The following RAB3IP variants were observed in gnomAD, a reference collection of about 807,000 sequenced individuals.
RAB3IP encodes the protein rab-3A-interacting protein.
A neutral mutation model predicts 59.1 loss-of-function variants in RAB3IP; 36 were observed. The ratio of observed to expected loss-of-function variants is 0.61; its 90% confidence interval spans 0.47 to 0.80. The LOEUF (loss-of-function observed/expected upper bound fraction) is 0.80. Among genes scored for constraint, RAB3IP ranks in the 30% least tolerant of loss-of-function variants. The pLI is 0.00. For synonymous variants in RAB3IP, 207 were observed against 191.2 expected (o/e 1.08, Z -0.68); for missense variants, 511 against 536.0 (o/e 0.95, Z 0.46).
Position 69,793,880 on chromosome 12 carries a change from G to T in RAB3IP, c.607-557G>T, listed in dbSNP as rs181251336. Reference sequence around the variant, plus strand: ...AAATACCTAGAGTTTCATATTTGTGGTACTAGAAGATTAAAACTCTATTAA... The same window carrying T: ...AAATACCTAGAGTTTCATATTTGTGTTACTAGAAGATTAAAACTCTATTAA... On this transcript the variant is annotated intron_variant, in intron 4 of 10. Coordinates refer to ENST00000247833, the MANE Select transcript of RAB3IP (RefSeq NM_022456.5). 8.7e-4 allele frequency among the ~76,000 whole-genome samples: 133 copies of T among 152,264 alleles called. 1 individual carries two copies. The highest frequency in any genetic ancestry group is 3.0e-3 in the African/African-American group (126 of 41,556).
Position 69,770,804 on chromosome 12 carries a change from A to G in RAB3IP, c.511-13916A>G, listed in dbSNP as rs532516922. Among the ~76,000 whole-genome samples the G allele has an allele frequency of 3.9e-5, 6 of 152,364 alleles. No individual in the cohort carries two copies. In the East Asian group the frequency reaches 9.6e-4, roughly 24 times the overall value. On this transcript the variant is annotated intron_variant, in intron 3 of 10. Coordinates refer to ENST00000247833, the MANE Select transcript of RAB3IP (RefSeq NM_022456.5). Reference sequence around the variant, plus strand: ...ATACATATATACACACACACATTGTATAATGATCAAATCAGACTAATTAGC... The same window carrying G: ...ATACATATATACACACACACATTGTGTAATGATCAAATCAGACTAATTAGC...
intron 3 of RAB3IP, among the ~76,000 whole-genome samples, chr12:69,769,799 C>G (rs371889672): frequency 5.9e-5 from 9 of 152,212 alleles, no homozygotes; most frequent in East Asian, 5.8e-4. Flanking sequence ...TTCATTGATT[C>G]TGAGTTGTAC....
At position 69,820,909 on chromosome 12, in the gene RAB3IP, GGTA is replaced by G. The variant is rs1881668934; in HGVS notation, c.*5466_*5468del. ...CAATAGAAAATCAAGTTTTCATAGT[GGTA>G]GTTGTTAACAGAGAAATAACAATGA... On this transcript the variant is annotated 3_prime_UTR_variant, in exon 11 of 11. Coordinates refer to ENST00000247833, the MANE Select transcript of RAB3IP (RefSeq NM_022456.5). The G allele has an allele frequency of 6.7e-6, 1 of 148,450 alleles. No individual in the cohort carries two copies. The highest frequency in any genetic ancestry group is 1.5e-5 in the Non-Finnish European group (1 of 67,394). The allele number at this position is 148,450 out of a possible 1,614,324, so 9.2% of individuals were successfully genotyped here. A position where few individuals can be genotyped will look rare whatever the true frequency, so the allele number is the denominator to read the frequency against.
chr12:69,745,025 A>G (rs1271283519), intron 1 of RAB3IP, among the ~76,000 whole-genome samples: 2 of 152,210 alleles, frequency 1.3e-5, no homozygotes, highest in African/African-American at 4.8e-5. Flanking sequence ...TTTTGAGAGC[A>G]CTATAAATTA....
intron 2 of RAB3IP, 59 bp from the exon 3 acceptor site, chr12:69,756,346 A>T (rs1206598547): frequency 1.3e-6 from 2 of 1,569,734 alleles, no homozygotes. Context: ...TGTGTGTTTA[A>T]GCCAGTTCTA....
chr12:69,803,752 G>T (rs1463372787), intron 8 of RAB3IP, among the ~76,000 whole-genome samples: 7 of 151,888 alleles, frequency 4.6e-5, no homozygotes, highest in Non-Finnish European at 1.0e-4. Flanking sequence ...GCGGTGTTTG[G>T]TTTTTTTGTC....
At chr12:69,773,425 TTATAC>T (rs987202748) in intron 3 of RAB3IP, among the ~76,000 whole-genome samples, 23 of 122,154 alleles carry the variant, frequency 1.9e-4, no homozygotes, top group African/African-American at 7.7e-4. Flanking sequence ...TTTTTTTTTA[TTATAC>T]TCTAAGTTTT....
chr12:69,773,117 T>C (rs574525218), intron 3 of RAB3IP, among the ~76,000 whole-genome samples: 3 of 152,294 alleles, frequency 2.0e-5, no homozygotes, highest in African/African-American at 7.2e-5. Flanking sequence ...TATATTCTCC[T>C]ACTTCCTCCT....
At chr12:69,783,028 A>G (rs887271287) in intron 3 of RAB3IP, among the ~76,000 whole-genome samples, 1 of 152,138 alleles carries the variant, frequency 6.6e-6, no homozygotes, top group Non-Finnish European at 1.5e-5. Flanking sequence ...TGCTGTTGAA[A>G]TTCGGTACCA....
rs367600744 is a variant in RAB3IP at position 69,779,939 on chromosome 12, A to G, written c.511-4781A>G. Among the ~76,000 whole-genome samples the G allele has an allele frequency of 4.1e-4, 63 of 152,268 alleles. 1 individual carries two copies. The highest frequency in any genetic ancestry group is 1.5e-3 in the African/African-American group (61 of 41,550). On this transcript the variant is annotated intron_variant, in intron 3 of 10. Transcript: ENST00000247833. ...ATGTCTGCTTATTAACGAATTAGTT[A>G]TTTATTCAAGTCTTTGCAGTGTGAC...
At chr12:69,750,346 A>G (rs1014357952) in intron 1 of RAB3IP, among the ~76,000 whole-genome samples, 8 of 152,216 alleles carry the variant, frequency 5.3e-5, no homozygotes, top group African/African-American at 1.7e-4. Flanking sequence ...TCATCTATAA[A>G]TACTTCAGTG....
chr12:69,743,871 A>G (rs942555430), intron 1 of RAB3IP, among the ~76,000 whole-genome samples: 2 of 117,000 alleles, frequency 1.7e-5, no homozygotes, highest in Non-Finnish European at 3.3e-5. Context: ...ACTCTTGTTT[A>G]TTTATTTAGT....
In RAB3IP at chr12:69,755,676, T is replaced by A. The variant is rs2136127042; in HGVS notation, c.251+17T>A. On this transcript the variant is annotated intron_variant, in intron 2 of 10. Coordinates refer to ENST00000247833, the MANE Select transcript of RAB3IP (RefSeq NM_022456.5). ...TAGTATCAGGTAGGAAATAAGTAAA[T>A]CACTTATTTGATTTTTTTTAAAATG... is the stretch of plus-strand genomic sequence containing the variant. 2 of 1,582,634 alleles carry A rather than the reference T, an allele frequency of 1.3e-6. No homozygotes were observed. Among genetic ancestry groups the A allele is most frequent in the East Asian group, 2.2e-5 (1 of 44,472 alleles).
chr12:69,806,532 TCTG>T (rs1324110688), intron 8 of RAB3IP, among the ~76,000 whole-genome samples: 2 of 151,646 alleles, frequency 1.3e-5, no homozygotes, highest in Non-Finnish European at 2.9e-5. Flanking sequence ...TTTCTTGCCT[TCTG>T]CTAGCTTTTG....
intron 8 of RAB3IP, among the ~76,000 whole-genome samples, chr12:69,804,807 G>C (rs927008735): frequency 8.6e-5 from 13 of 152,002 alleles, no homozygotes; most frequent in Non-Finnish European, 1.6e-4. Context: ...GATAGTTGTA[G>C]ATATGCGGCA....
At chr12:69,784,878 AT>A (rs1361284735) in intron 4 of RAB3IP, 63 bp downstream of exon 4, 18 of 908,082 alleles carry the variant, frequency 2.0e-5, no homozygotes, top group Non-Finnish European at 3.2e-5. Flanking sequence ...ACAAAATTGT[AT>A]TTTGAGGGAA....
chr12:69,739,972 C>A, intron 1 of RAB3IP: 2 of 1,100,316 alleles, frequency 1.8e-6, no homozygotes, highest in Admixed American at 3.8e-5. Context: ...ACCTGTTATA[C>A]ACTCTCCTGT....
chr12:69,743,702 A>G (rs894062614), intron 1 of RAB3IP, among the ~76,000 whole-genome samples: 2 of 152,326 alleles, frequency 1.3e-5, no homozygotes, highest in Admixed American at 6.5e-5. Context: ...TTCTGAAGTT[A>G]GTCTGTTAAA....
At chr12:69,786,827 A>C (rs1426680557) in intron 4 of RAB3IP, among the ~76,000 whole-genome samples, 1 of 152,202 alleles carries the variant, frequency 6.6e-6, no homozygotes, top group Non-Finnish European at 1.5e-5. Context: ...AAGCATATCT[A>C]AAAAATATAG....
Sources: gnomAD v4.1 joint callset for allele counts (sites outside exome capture counted in the v4.1 genomes callset) on GRCh38, gnomAD v4.1.1 for gene constraint, MANE v1.5 for transcripts, NCBI Gene and HGNC (gene_info 2026-07-23, HGNC 2026-07-21) for gene names.